The following NTN1 variants were observed in gnomAD, a reference collection of about 807,000 sequenced individuals.
NTN1 encodes netrin 1.
A neutral mutation model predicts 54.2 loss-of-function variants in NTN1; 11 were observed. That is an observed-to-expected ratio of 0.20 (90% CI 0.13 to 0.34). The LOEUF (loss-of-function observed/expected upper bound fraction) is 0.34, where lower values mean the gene tolerates loss of function less well. Ranked by LOEUF, NTN1 falls within the 10% of genes least tolerant of loss-of-function variation. NTN1 has a pLI of 1.00. For missense variants in NTN1, 740 were observed against 893.1 expected, an observed-to-expected ratio of 0.83 and a Z score of 2.18; for synonymous variants, 371 against 382.0, an observed-to-expected ratio of 0.97 and a Z score of 0.33.
At chr17:9,170,386 G>A (rs550529688) in intron 3 of NTN1, among the ~76,000 whole-genome samples, 1 of 152,206 alleles carries the variant, frequency 6.6e-6, no homozygotes, top group Non-Finnish European at 1.5e-5. Context: ...ACAAAGCAGA[G>A]ACACTTTCTT....
chr17:9,128,384 G>A (rs1170755848), intron 2 of NTN1, among the ~76,000 whole-genome samples: 3 of 151,944 alleles, frequency 2.0e-5, no homozygotes, highest in African/African-American at 7.2e-5. Flanking sequence ...GAAGCAGGGA[G>A]AGGTGTTGAG....
At chr17:9,156,730 A>G (rs2092343508) in intron 2 of NTN1, among the ~76,000 whole-genome samples, 1 of 152,234 alleles carries the variant, frequency 6.6e-6, no homozygotes, top group Non-Finnish European at 1.5e-5. Flanking sequence ...CTACTTGAGC[A>G]GACAGAAGTT....
Position 9,221,036 on chromosome 17 carries a change from C to A in NTN1, c.1412-132C>A. 1.3e-6 allele frequency: 1 copy of A among 743,262 alleles called. No homozygotes were observed. The highest frequency in any genetic ancestry group is 2.4e-6 in the Non-Finnish European group (1 of 413,656). The allele number at this position is 743,262 out of a possible 1,614,324, so 46.0% of individuals were successfully genotyped here. Reference sequence around the variant, plus strand: ...CAGGCCTTTCCTGAATGGCCGCCTGCCCGCCCGGCCTGGCCCATGGGTATC... The same window carrying A: ...CAGGCCTTTCCTGAATGGCCGCCTGACCGCCCGGCCTGGCCCATGGGTATC... On this transcript the variant is annotated intron_variant, in intron 5 of 6. Transcript: ENST00000173229. This position sits in a 1 kb window ranked among gnomAD's most constrained non-coding sequence, Gnocchi z 4.5.
chr17:9,017,475 G>A (rs779355967), upstream of NTN1, among the ~76,000 whole-genome samples: 3 of 152,080 alleles, frequency 2.0e-5, no homozygotes, highest in African/African-American at 4.8e-5. Context: ...TCCTTGCAAC[G>A]CTCTTACCCA....
Position 9,235,738 on chromosome 17 carries a change from CTTTTTTTT to C in NTN1, c.1487-3898_1487-3891del, listed in dbSNP as rs113894662. 1.4e-4 allele frequency among the ~76,000 whole-genome samples: 8 copies of C among 55,304 alleles called. No homozygotes were observed. In the Admixed American group the frequency reaches 1.7e-3, roughly 12 times the overall value. The allele number at this position is 55,304 out of a possible 152,430, so 36.3% of individuals were successfully genotyped here. On this transcript the variant is annotated intron_variant, in intron 6 of 6. Transcript: ENST00000173229. The stretch of plus-strand genomic sequence containing the variant: ...TAGCTGCAGCCTCTTCTTCTTTCTT[CTTTTTTTT>C]TTTCTTTTTTTTTTTTTTGGAGACA...
rs1206139088 is a variant in NTN1, at chr17:9,219,236, C to A, written c.1412-1932C>A. Among the ~76,000 whole-genome samples the A allele has an allele frequency of 6.6e-6, 1 of 152,160 alleles. No homozygotes were observed. The highest frequency in any genetic ancestry group is 1.5e-5 in the Non-Finnish European group (1 of 68,040). On this transcript the variant is annotated intron_variant, in intron 5 of 6. Transcript: ENST00000173229. This position sits in a 1 kb window ranked among gnomAD's most constrained non-coding sequence, Gnocchi z 4.5. The stretch of plus-strand genomic sequence containing the variant: ...GTTTGGGCTGCCGTCACTTTCATCC[C>A]AACCTCTCAGGCTTGGCCACAGTAG...
upstream of NTN1, among the ~76,000 whole-genome samples, chr17:9,021,159 C>A (rs1369308819): frequency 6.6e-6 from 1 of 152,018 alleles, no homozygotes; most frequent in Non-Finnish European, 1.5e-5. Context: ...CCCGCCCGCG[C>A]GCTCCCCCGG....
intron 2 of NTN1, among the ~76,000 whole-genome samples, chr17:9,105,506 A>G (rs1439260766): frequency 6.6e-6 from 1 of 152,170 alleles, no homozygotes; most frequent in African/African-American, 2.4e-5. Context: ...CGGCTTTGTT[A>G]TAAATCTGTC....
chr17:9,159,873 T>C (rs924470637), intron 2 of NTN1, among the ~76,000 whole-genome samples: 1 of 152,044 alleles, frequency 6.6e-6, no homozygotes, highest in African/African-American at 2.4e-5. Flanking sequence ...AGTAATTCCA[T>C]CTAGAGAAAT....
chr17:9,185,696 T>C (rs1370284524), intron 5 of NTN1, among the ~76,000 whole-genome samples: 1 of 152,120 alleles, frequency 6.6e-6, no homozygotes, highest in Non-Finnish European at 1.5e-5. Flanking sequence ...ACTCACCTAC[T>C]TGTTGGTTGT....
intron 2 of NTN1, among the ~76,000 whole-genome samples, chr17:9,110,292 CAG>C (rs1374835769): frequency 6.7e-6 from 1 of 148,782 alleles, no homozygotes; most frequent in South Asian, 2.1e-4. Flanking sequence ...CTTTTTGAGA[CAG>C]AGTCTCACTC....
intron 2 of NTN1, among the ~76,000 whole-genome samples, chr17:9,120,777 A>T (rs993634553): frequency 1.1e-4 from 17 of 152,340 alleles, no homozygotes; most frequent in African/African-American, 3.8e-4. Flanking sequence ...TCTGGGGCTT[A>T]CATTACCCCC....
At chr17:9,203,112 G>A (rs375889189) in intron 5 of NTN1, among the ~76,000 whole-genome samples, 2 of 151,834 alleles carry the variant, frequency 1.3e-5, no homozygotes, top group Non-Finnish European at 1.5e-5. Flanking sequence ...TACTAGAGAT[G>A]GGGTTTCACC....
chr17:9,160,079 C>G (rs1276533213), intron 2 of NTN1, among the ~76,000 whole-genome samples: 1 of 152,118 alleles, frequency 6.6e-6, no homozygotes, highest in Non-Finnish European at 1.5e-5. Flanking sequence ...CTATGCATAG[C>G]CATGCAACAC....
intron 2 of NTN1, among the ~76,000 whole-genome samples, chr17:9,031,453 T>C (rs1428398387): frequency 6.6e-6 from 1 of 152,168 alleles, no homozygotes; most frequent in Admixed American, 6.6e-5. Flanking sequence ...AGTCGAGAAA[T>C]GATCTTATAA....
intron 2 of NTN1, among the ~76,000 whole-genome samples, chr17:9,061,774 G>A (rs962962038): frequency 6.6e-6 from 1 of 152,100 alleles, no homozygotes; most frequent in Non-Finnish European, 1.5e-5. Flanking sequence ...CGTGGTCTTG[G>A]CTCACTGAAA....
At chr17:9,198,291 G>C (rs1283336530) in intron 5 of NTN1, among the ~76,000 whole-genome samples, 1 of 152,212 alleles carries the variant, frequency 6.6e-6, no homozygotes, top group African/African-American at 2.4e-5. Flanking sequence ...ACAGGCAAAA[G>C]GGCTGGGCAG....
At chr17:9,018,623 TAAAA>T (rs57153983), upstream of NTN1, among the ~76,000 whole-genome samples, 4 of 112,438 alleles carry the variant, frequency 3.6e-5, no homozygotes, top group African/African-American at 7.2e-5. Flanking sequence ...GACTCCATCT[TAAAA>T]AAAAAAAAAA....
chr17:9,100,331 G>A (rs1168879342), intron 2 of NTN1, among the ~76,000 whole-genome samples: 2 of 151,650 alleles, frequency 1.3e-5, no homozygotes, highest in South Asian at 2.1e-4. Context: ...AGAGTCTCGC[G>A]CTGTTGCCCA....
Sources: gnomAD v4.1 joint callset for allele counts (sites outside exome capture counted in the v4.1 genomes callset) on GRCh38, gnomAD v4.1.1 for gene constraint, Gnocchi (gnomAD v3.1) non-coding constraint, MANE v1.5 for transcripts, NCBI Gene and HGNC (gene_info 2026-07-23, HGNC 2026-07-21) for gene names.